Variants in ERBB4 observed in about 807,000 individuals in gnomAD.
ERBB4 encodes the protein erb-b2 receptor tyrosine kinase 4.
A neutral mutation model predicts 158.0 loss-of-function variants in ERBB4; 42 were observed. The observed-to-expected ratio is 0.27, with a 90% CI of 0.21 to 0.34. The LOEUF (loss-of-function observed/expected upper bound fraction) is 0.34, where lower values mean the gene tolerates loss of function less well. ERBB4 is among the 10% of genes least tolerant of loss of function. ERBB4 has a pLI of 1.00. For missense variants in ERBB4, 1,333 were observed against 1,624.1 expected (o/e 0.82, Z 3.08); for synonymous variants, 583 against 558.7 (o/e 1.04, Z -0.61).
intron 4 of ERBB4, chr2:211,777,887 G>C (rs995200009): frequency 1.3e-5 from 2 of 151,986 alleles, no homozygotes; most frequent in African/African-American, 4.8e-5. Context: ...TAAGACCAAG[G>C]GCCTTCAAAG....
intron 20 of ERBB4, among the ~76,000 whole-genome samples, chr2:211,446,046 G>A (rs2064104691): frequency 6.6e-6 from 1 of 152,192 alleles, no homozygotes; most frequent in African/African-American, 2.4e-5. Flanking sequence ...GGGAGCTAAT[G>A]TTTTCATACC....
chr2:211,503,463 G>T (rs4500888), intron 20 of ERBB4, among the ~76,000 whole-genome samples: 23,555 of 152,038 alleles, frequency 0.15, 3,081 homozygotes, highest in African/African-American at 0.36. Context: ...CGCAATGGGA[G>T]ACCCACAGCA....
At chr2:212,411,443 C>T (rs967298137) in intron 1 of ERBB4, among the ~76,000 whole-genome samples, 7 of 152,088 alleles carry the variant, frequency 4.6e-5, no homozygotes, top group Non-Finnish European at 1.0e-4. Context: ...AATCAATACA[C>T]GTAGATAAAT....
At position 212,154,627 on chromosome 2, in the gene ERBB4, C is replaced by T. The variant is rs578193609; in HGVS notation, c.83-29724G>A. ...CCTTGATATGCCGCCTGTCTCTTCC[C>T]TGCAAGTGGCAGTGAAGGTCAGTGA... On this transcript the variant is annotated intron_variant, in intron 1 of 27. Transcript: ENST00000342788. Among the ~76,000 whole-genome samples the T allele has an allele frequency of 4.0e-5, 6 of 150,598 alleles. No individual in the cohort carries two copies. The South Asian group carries it at 1.1e-3, about 27-fold the overall frequency.
chr2:212,484,224 C>A (rs1689861547), intron 1 of ERBB4, among the ~76,000 whole-genome samples: 2 of 152,176 alleles, frequency 1.3e-5, no homozygotes, highest in African/African-American at 4.8e-5. Flanking sequence ...TTTCATTTAA[C>A]TAAGTGAAGG....
At position 211,732,804 on chromosome 2, in the gene ERBB4, C is replaced by T. The variant is rs144337701; in HGVS notation, c.623-7610G>A. 2.8e-3 allele frequency among the ~76,000 whole-genome samples: 430 copies of T among 152,114 alleles called. 4 individuals are homozygous for T. The highest frequency in any genetic ancestry group is 4.7e-3 in the Non-Finnish European group (318 of 67,988). On this transcript the variant is annotated intron_variant, in intron 5 of 27. Coordinates refer to ENST00000342788, the MANE Select transcript of ERBB4 (RefSeq NM_005235.3). ...CCCATCTCTACTAAAAAAGAAACCC[C>T]GTCTCTACTAAAAAGTACAAAAATT... is the stretch of plus-strand genomic sequence containing the variant.
At chr2:211,398,856 A>G (rs1421776784) in intron 25 of ERBB4, among the ~76,000 whole-genome samples, 3 of 152,152 alleles carry the variant, frequency 2.0e-5, no homozygotes, top group African/African-American at 7.2e-5. Flanking sequence ...CAAAACTGCA[A>G]GACCTACTGT....
At chr2:212,247,685 C>T (rs1574513696) in intron 1 of ERBB4, among the ~76,000 whole-genome samples, 1 of 152,090 alleles carries the variant, frequency 6.6e-6, no homozygotes, top group Admixed American at 6.6e-5. Context: ...TGTATTAGGC[C>T]GGGAGCGGTG....
At chr2:212,094,051 A>G (rs1313299307) in intron 2 of ERBB4, among the ~76,000 whole-genome samples, 1 of 151,794 alleles carries the variant, frequency 6.6e-6, no homozygotes, top group Non-Finnish European at 1.5e-5. Flanking sequence ...GAAAAATAAG[A>G]CTCCTTAGAC....
intron 1 of ERBB4, among the ~76,000 whole-genome samples, chr2:212,276,586 A>C (rs905560109): frequency 1.3e-5 from 2 of 151,868 alleles, no homozygotes; most frequent in Non-Finnish European, 2.9e-5. Context: ...TATGGTCAAC[A>C]GTATACATGA....
chr2:212,434,152 A>G (rs1560309802), intron 1 of ERBB4, among the ~76,000 whole-genome samples: 2 of 152,006 alleles, frequency 1.3e-5, no homozygotes, highest in Admixed American at 6.6e-5. Flanking sequence ...TTAATAGTGC[A>G]AATTCACATC....
At chr2:212,187,741 G>A (rs1294970191) in intron 1 of ERBB4, among the ~76,000 whole-genome samples, 1 of 152,078 alleles carries the variant, frequency 6.6e-6, no homozygotes, top group African/African-American at 2.4e-5. Flanking sequence ...ATTCCTTTCA[G>A]TGGCTGTAGC....
chr2:212,376,617 T>C (rs531683189), intron 1 of ERBB4, among the ~76,000 whole-genome samples: 1 of 152,156 alleles, frequency 6.6e-6, no homozygotes, highest in East Asian at 1.9e-4. Flanking sequence ...CTGATCTGGC[T>C]CCTTTGGACT....
At chr2:212,421,307 G>T (rs2105905612) in intron 1 of ERBB4, among the ~76,000 whole-genome samples, 1 of 141,416 alleles carries the variant, frequency 7.1e-6, no homozygotes, top group African/African-American at 2.5e-5. Flanking sequence ...TCATTGGTTT[G>T]TATTCCACAT....
chr2:212,422,283 T>A (rs1168504645), intron 1 of ERBB4, among the ~76,000 whole-genome samples: 1 of 152,104 alleles, frequency 6.6e-6, no homozygotes, highest in Non-Finnish European at 1.5e-5. Flanking sequence ...GGCGGGTGGA[T>A]AACTGGAGGT....
At chr2:211,664,395 G>A (rs2071543905) in intron 15 of ERBB4, among the ~76,000 whole-genome samples, 1 of 151,982 alleles carries the variant, frequency 6.6e-6, no homozygotes, top group African/African-American at 2.4e-5. Context: ...ATGTGTATGT[G>A]CACATGCCTA....
chr2:212,191,294 G>A (rs912639031), intron 1 of ERBB4, among the ~76,000 whole-genome samples: 1 of 151,780 alleles, frequency 6.6e-6, no homozygotes, highest in African/African-American at 2.4e-5. Context: ...TATTGGCCTG[G>A]GGACTACACT....
In ERBB4 at chr2:211,376,429, G is replaced by A. The variant is rs1214772354; in HGVS notation, c.*7186C>T. On this transcript the variant is annotated 3_prime_UTR_variant, in exon 28 of 28. Coordinates refer to ENST00000342788, the MANE Select transcript of ERBB4 (RefSeq NM_005235.3). ...TACTATTCACATTTTCAAACATACA[G>A]TAGTATTTTTTGTTTGTTTATTTCA... 5 of 232,640 alleles carry A rather than the reference G, an allele frequency of 2.1e-5. No homozygotes were observed. The highest frequency in any genetic ancestry group is 4.3e-5 in the Non-Finnish European group (5 of 117,484). The allele number at this position is 232,640 out of a possible 1,614,324, so 14.4% of individuals were successfully genotyped here.
chr2:211,836,127 A>G (rs559485641), intron 3 of ERBB4, among the ~76,000 whole-genome samples: 5 of 152,178 alleles, frequency 3.3e-5, no homozygotes, highest in Admixed American at 6.6e-5. Flanking sequence ...CTTGATGGGG[A>G]TTTCTGAAGA....
Sources: gnomAD v4.1 joint callset for allele counts (sites outside exome capture counted in the v4.1 genomes callset) on GRCh38, gnomAD v4.1.1 for gene constraint, MANE v1.5 for transcripts, NCBI Gene and HGNC (gene_info 2026-07-23, HGNC 2026-07-21) for gene names.